Variants in RIPOR3 observed in about 807,000 individuals in gnomAD.
RIPOR3 encodes the protein RIPOR family member 3.
A neutral mutation model predicts 114.3 loss-of-function variants in RIPOR3; 95 were observed. The ratio of observed to expected loss-of-function variants is 0.83; its 90% confidence interval spans 0.70 to 0.99. The LOEUF (loss-of-function observed/expected upper bound fraction) is 0.99. Among genes scored for constraint, RIPOR3 ranks in the 50% least tolerant of loss-of-function variants. The probability of loss-of-function intolerance (pLI) is 0.00; values close to 1 mark genes in which losing one functional copy is unlikely to be tolerated. For missense variants in RIPOR3, 1,252 were observed against 1,266.9 expected, an observed-to-expected ratio of 0.99 and a Z score of 0.18; for synonymous variants, 575 against 543.8, an observed-to-expected ratio of 1.06 and a Z score of -0.80.
intron 1 of RIPOR3, among the ~76,000 whole-genome samples, chr20:50,655,525 G>A (rs1370653249): frequency 5.3e-5 from 8 of 152,176 alleles, no homozygotes; most frequent in Non-Finnish European, 1.2e-4. Flanking sequence ...TAAGATCGCC[G>A]ACTTAAGCCT....
intron 1 of RIPOR3, among the ~76,000 whole-genome samples, chr20:50,676,331 C>A: frequency 6.6e-6 from 1 of 152,030 alleles, no homozygotes; most frequent in Admixed American, 6.6e-5. Context: ...CATCATCTCC[C>A]AGAATTAAGC....
intron 1 of RIPOR3, among the ~76,000 whole-genome samples, chr20:50,675,043 A>G (rs1223410001): frequency 1.3e-5 from 2 of 152,192 alleles, no homozygotes; most frequent in Admixed American, 1.3e-4. Flanking sequence ...AGGCCACTGC[A>G]CTCCAGCTTG....
chr20:50,654,892 C>T (rs144874415), intron 1 of RIPOR3, among the ~76,000 whole-genome samples: 5 of 152,226 alleles, frequency 3.3e-5, no homozygotes, highest in South Asian at 4.1e-4. Context: ...ACTACAGGCA[C>T]GCACCACCAC....
At chr20:50,670,832 G>T (rs1305494759) in intron 1 of RIPOR3, among the ~76,000 whole-genome samples, 1 of 152,162 alleles carries the variant, frequency 6.6e-6, no homozygotes, top group Non-Finnish European at 1.5e-5. Flanking sequence ...ATCCGACTGG[G>T]TTCAAACCTT....
chr20:50,647,383 C>T (rs559706396), intron 1 of RIPOR3, among the ~76,000 whole-genome samples: 52 of 151,820 alleles, frequency 3.4e-4, no homozygotes, highest in African/African-American at 1.2e-3. Flanking sequence ...GCAGACATGC[C>T]AATAACCTGT....
intron 1 of RIPOR3, among the ~76,000 whole-genome samples, chr20:50,668,979 C>T (rs1379137194): frequency 1.3e-5 from 2 of 152,096 alleles, no homozygotes; most frequent in Admixed American, 6.6e-5. Flanking sequence ...TATGTGTTCA[C>T]ATATGCACAC....
intron 1 of RIPOR3, among the ~76,000 whole-genome samples, chr20:50,670,874 C>T (rs142027950): frequency 1.3e-5 from 2 of 152,100 alleles, no homozygotes; most frequent in African/African-American, 4.8e-5. Flanking sequence ...AGCATGGCCT[C>T]CAGTGATCCC....
intron 1 of RIPOR3, among the ~76,000 whole-genome samples, chr20:50,646,244 C>T (rs79081023): frequency 0.01 from 1,593 of 152,312 alleles, 39 homozygotes; most frequent in African/African-American, 0.037. Flanking sequence ...CCTCCTGCCT[C>T]AGCCTCCTGA....
chr20:50,630,959 C>A, intron 1 of RIPOR3, 103 bp from the exon 2 acceptor site: 2 of 903,320 alleles, frequency 2.2e-6, no homozygotes, highest in Non-Finnish European at 3.5e-6. Flanking sequence ...CACAATGGCC[C>A]CAGAGTGTTG....
intron 1 of RIPOR3, among the ~76,000 whole-genome samples, chr20:50,639,531 G>C (rs893176594): frequency 5.9e-5 from 9 of 152,150 alleles, no homozygotes; most frequent in Admixed American, 4.6e-4. Context: ...GCCACCTGAA[G>C]TGGCAAGTTG....
At chr20:50,674,745 A>G (rs1234900745) in intron 1 of RIPOR3, among the ~76,000 whole-genome samples, 1 of 150,822 alleles carries the variant, frequency 6.6e-6, no homozygotes, top group African/African-American at 2.4e-5. Context: ...CCAGAAGTTC[A>G]AGACCAGCCT....
Position 50,601,968 on chromosome 20 carries a change from G to A in RIPOR3, c.1659+104C>T, listed in dbSNP as rs1035492403. The A allele has an allele frequency of 5.1e-5, 59 of 1,165,540 alleles. No homozygotes were observed. The African/African-American group carries it at 8.7e-4, about 17-fold the overall frequency. 72.2% of individuals were successfully genotyped at this position (1,165,540 alleles called of 1,614,324 possible). A position where few individuals can be genotyped will look rare whatever the true frequency, so the allele number is the denominator to read the frequency against. ...CGGCCCACCCAGGTCACGCAGAGGTGAGGCCAGGATGTCGGCCCAGGCTGC... is the reference window on the plus strand; with the variant it reads ...CGGCCCACCCAGGTCACGCAGAGGTAAGGCCAGGATGTCGGCCCAGGCTGC... On this transcript the variant is annotated intron_variant, in intron 13 of 21. Transcript: ENST00000327979.
At chr20:50,589,078 T>G (rs2083023190) in intron 20 of RIPOR3, among the ~76,000 whole-genome samples, 1 of 75,450 alleles carries the variant, frequency 1.3e-5, no homozygotes, top group Non-Finnish European at 2.2e-5. Context: ...CAAGACTCCA[T>G]CTCAAGAAAA....
intron 1 of RIPOR3, among the ~76,000 whole-genome samples, chr20:50,635,791 C>T (rs1025269923): frequency 5.9e-5 from 9 of 152,218 alleles, no homozygotes; most frequent in African/African-American, 2.2e-4. Flanking sequence ...GACCGGGGCG[C>T]GCTGGACTCC....
At chr20:50,664,829 C>T (rs565497247) in intron 1 of RIPOR3, among the ~76,000 whole-genome samples, 5 of 152,232 alleles carry the variant, frequency 3.3e-5, no homozygotes, top group East Asian at 3.9e-4. Context: ...CGGCTGGGCA[C>T]GGTGGCTCAC....
At chr20:50,618,270 CAAAAAAAAAAAAAAAAA>C (rs61215608) in intron 3 of RIPOR3, among the ~76,000 whole-genome samples, 2 of 67,386 alleles carry the variant, frequency 3.0e-5, no homozygotes, top group African/African-American at 1.4e-4. Flanking sequence ...GACTCCGTCT[CAAAAAAAAAAAAAAAAA>C]AAAAAAAAAA....
intron 1 of RIPOR3, among the ~76,000 whole-genome samples, chr20:50,686,607 G>T (rs568506418): frequency 1.3e-5 from 2 of 152,030 alleles, no homozygotes; most frequent in Non-Finnish European, 2.9e-5. Context: ...CAATTAGCCA[G>T]GTGTGGTGGT....
chr20:50,623,754 T>A (rs1021204166), intron 2 of RIPOR3, among the ~76,000 whole-genome samples: 2 of 152,192 alleles, frequency 1.3e-5, no homozygotes, highest in Non-Finnish European at 1.5e-5. Context: ...CCTAAGTAAC[T>A]GGGGGCACCT....
At chr20:50,592,907 A>G in intron 18 of RIPOR3, 128 bp downstream of exon 18, 1 of 1,225,402 alleles carries the variant, frequency 8.2e-7, no homozygotes, top group Non-Finnish European at 1.1e-6. Flanking sequence ...ATCTCATTAA[A>G]TCGGGGTTCC....
Sources: allele counts gnomAD v4.1 joint callset (sites outside exome capture counted in the v4.1 genomes callset), GRCh38; gene constraint gnomAD v4.1.1; transcripts MANE v1.5; gene names NCBI Gene and HGNC (gene_info 2026-07-23, HGNC 2026-07-21).